The following AGXT2 variants were observed in gnomAD, a reference collection of about 807,000 sequenced individuals.
AGXT2 encodes alanine--glyoxylate aminotransferase 2.
Under a neutral mutation model 62.5 loss-of-function variants are expected in AGXT2, and 61 were observed. The ratio of observed to expected loss-of-function variants is 0.98; its 90% CI spans 0.79 to 1.21. AGXT2 has a LOEUF of 1.21. AGXT2 is among the 50% of genes most tolerant of loss of function. The pLI is 0.00. For missense variants in AGXT2, 666 were observed against 641.5 expected, an observed-to-expected ratio of 1.04 and a Z score of -0.41; for synonymous variants, 243 against 218.7, an observed-to-expected ratio of 1.11 and a Z score of -0.98.
chr5:35,026,424 C>A lies in AGXT2; in HGVS notation c.856G>T (p.Ala286Ser), dbSNP rs1393301104. 1 of 1,613,548 alleles carries A rather than the reference C, an allele frequency of 6.2e-7. No individual in the cohort carries two copies. Among genetic ancestry groups the A allele is most frequent in the South Asian group, 1.1e-5 (1 of 91,064 alleles). Residue 286 changes from alanine to serine, a missense_variant, in exon 8 of 14, where the codon GCA (alanine) becomes TCA (serine). By Grantham distance (99) the Ala-to-Ser change is moderately conservative (BLOSUM62 1). Transcript: ENST00000231420. ...SVAKSIAGFF[A>S]EPIQGVNGVV... ...CATATACCCACTTGAATAGGTTCTG[C>A]GAAAAATCCAGCAATTGACTTGGCC...
Position 35,003,847 on chromosome 5 carries a change from AG to A in AGXT2, c.1352del (p.Pro451LeufsTer7), listed in dbSNP as rs765462936. 1 of 1,614,102 alleles carries A rather than the reference AG, an allele frequency of 6.2e-7. No homozygotes were observed. Among genetic ancestry groups the A allele is most frequent in the Admixed American group, 1.7e-5 (1 of 60,032 alleles). On this transcript the variant is annotated frameshift_variant, in exon 13 of 14. Transcript: ENST00000231420. LOFTEE classifies it high-confidence loss of function. The stretch of plus-strand genomic sequence containing the variant: ...TCTGATTTACTTCTTCACGGGGAAG[AG>A]GCCGACAGCTTATCTGTAAATATAT... ...EMVQDKISCR[P>X]LPREEVNQIH...
intron 1 of AGXT2, among the ~76,000 whole-genome samples, chr5:35,042,341 G>A (rs1768017715): frequency 6.6e-6 from 1 of 151,972 alleles, no homozygotes; most frequent in East Asian, 1.9e-4. Context: ...GAAGAAAGAA[G>A]AGGAAGAAAG....
intron 3 of AGXT2, among the ~76,000 whole-genome samples, chr5:35,037,320 G>T (rs1767814346): frequency 6.6e-6 from 1 of 152,318 alleles, no homozygotes; most frequent in South Asian, 2.1e-4. Flanking sequence ...TTTTAGAAAA[G>T]AAATGCCTAG....
At chr5:35,011,545 T>G (rs1386050581) in intron 11 of AGXT2, among the ~76,000 whole-genome samples, 2 of 152,046 alleles carry the variant, frequency 1.3e-5, no homozygotes, top group African/African-American at 4.8e-5. Flanking sequence ...TCTCATGACT[T>G]AATTGTAGTT....
intron 3 of AGXT2, among the ~76,000 whole-genome samples, chr5:35,037,828 C>T (rs1933702427): frequency 2.0e-5 from 3 of 152,134 alleles, no homozygotes; most frequent in Non-Finnish European, 4.4e-5. Flanking sequence ...ATTGGGCCAA[C>T]CTTACAGGAT....
At chr5:35,040,067 G>A (rs529761540) in intron 2 of AGXT2, among the ~76,000 whole-genome samples, 1 of 150,814 alleles carries the variant, frequency 6.6e-6, no homozygotes, top group East Asian at 1.9e-4. Flanking sequence ...GCATAACAGA[G>A]AGAGAGAGAG....
At chr5:35,016,419 C>G (rs932459120) in intron 9 of AGXT2, among the ~76,000 whole-genome samples, 2 of 152,220 alleles carry the variant, frequency 1.3e-5, no homozygotes, top group East Asian at 3.9e-4. Flanking sequence ...AAAAGAATCC[C>G]TGAGGAGATA....
intron 7 of AGXT2, among the ~76,000 whole-genome samples, chr5:35,030,346 A>G (rs1203502308): frequency 1.3e-5 from 2 of 152,162 alleles, no homozygotes; most frequent in African/African-American, 2.4e-5. Context: ...GGTCTCTACT[A>G]AAAATACAAA....
intron 8 of AGXT2, chr5:35,026,142 A>G: frequency 1.7e-6 from 1 of 593,504 alleles, no homozygotes; most frequent in East Asian, 2.9e-5. Flanking sequence ...TGCGGATGTT[A>G]TTAAGCAGCT....
chr5:35,046,363 AG>A (rs1198897632), intron 1 of AGXT2, among the ~76,000 whole-genome samples: 2 of 152,212 alleles, frequency 1.3e-5, no homozygotes, highest in East Asian at 3.9e-4. Context: ...TGTTGGAGTT[AG>A]GTGATGTTCT....
intron 12 of AGXT2, among the ~76,000 whole-genome samples, chr5:35,007,643 C>A (rs1458341679): frequency 6.6e-6 from 1 of 152,146 alleles, no homozygotes; most frequent in East Asian, 1.9e-4. Context: ...GGATTTAAAT[C>A]CAGGTGGTCT....
chr5:35,024,220 A>T (rs11949088), intron 9 of AGXT2, among the ~76,000 whole-genome samples: 33,611 of 151,994 alleles, frequency 0.22, 4,063 homozygotes, highest in South Asian at 0.31. Flanking sequence ...TAGTTGAGGA[A>T]GTCTATTCCA....
intron 10 of AGXT2, among the ~76,000 whole-genome samples, chr5:35,013,742 C>T (rs532700633): frequency 2.2e-4 from 33 of 149,062 alleles, no homozygotes; most frequent in Admixed American, 2.0e-3. Flanking sequence ...AAGATTGTGC[C>T]ACTGCACTCA....
intron 4 of AGXT2, 120 bp downstream of exon 4, chr5:35,036,822 T>C: frequency 4.1e-6 from 6 of 1,460,358 alleles, no homozygotes; most frequent in Non-Finnish European, 5.7e-6. Context: ...TCCCTGCCCA[T>C]GTCCCTGCTT....
In AGXT2 at chr5:34,998,418, T is replaced by C. The variant is rs1766109196; in HGVS notation, c.*301A>G. 4 of 399,294 alleles carry C rather than the reference T, an allele frequency of 1.0e-5. No homozygotes were observed. Among genetic ancestry groups the C allele is most frequent in the African/African-American group, 2.0e-5 (1 of 49,724 alleles). 24.7% of individuals were successfully genotyped at this position (399,294 alleles called of 1,614,324 possible). ...TCAAGATTCACTGGACAAAAATACA[T>C]CACATATTCATGCATAAACCAATCA... On this transcript the variant is annotated 3_prime_UTR_variant, in exon 14 of 14. Coordinates refer to ENST00000231420, the MANE Select transcript of AGXT2 (RefSeq NM_031900.4).
intron 12 of AGXT2, among the ~76,000 whole-genome samples, chr5:35,009,335 C>A (rs1297624851): frequency 6.6e-6 from 1 of 152,026 alleles, no homozygotes; most frequent in African/African-American, 2.4e-5. Flanking sequence ...GTGGCTCATG[C>A]CTGTAATCTT....
chr5:35,026,337 T>C, intron 8 of AGXT2, 73 bp downstream of exon 8: 1 of 1,232,954 alleles, frequency 8.1e-7, no homozygotes, highest in Non-Finnish European at 1.2e-6. Flanking sequence ...TGGAATTCTC[T>C]AGAATATATG....
At chr5:35,039,730 G>A (rs893587664) in intron 2 of AGXT2, among the ~76,000 whole-genome samples, 9 of 152,178 alleles carry the variant, frequency 5.9e-5, no homozygotes. Context: ...TCTCTTTTCA[G>A]AAAAGGGCTG....
In AGXT2 at chr5:35,039,307, A is replaced by G; in HGVS notation, c.362+17T>C. On this transcript the variant is annotated intron_variant, in intron 3 of 13. Transcript: ENST00000231420. ...ATTCTTTTGGAATAAAAATCTCCAG[A>G]TTTTAAGGATACTCACGGGTGGCAA... The G allele has an allele frequency of 1.2e-6, 2 of 1,613,054 alleles. No homozygotes were observed. The highest frequency in any genetic ancestry group is 1.7e-6 in the Non-Finnish European group (2 of 1,179,002).
Sources: allele counts gnomAD v4.1 joint callset (sites outside exome capture counted in the v4.1 genomes callset), GRCh38; gene constraint gnomAD v4.1.1; transcripts MANE v1.5; gene names NCBI Gene and HGNC (gene_info 2026-07-23, HGNC 2026-07-21).